The following IGF1R variants were observed in gnomAD, a reference collection of about 807,000 sequenced individuals.
The protein encoded by IGF1R is insulin like growth factor 1 receptor.
In IGF1R, 44 loss-of-function variants were observed where a neutral mutation model predicts 144.6. The observed-to-expected ratio is 0.30, with a 90% CI of 0.24 to 0.39. IGF1R has a LOEUF of 0.39. IGF1R is among the 10% of genes least tolerant of loss of function. The pLI is 1.00. For missense variants in IGF1R, 1,355 were observed against 1,833.7 expected, an observed-to-expected ratio of 0.74 and a Z score of 4.77; for synonymous variants, 795 against 722.8, an observed-to-expected ratio of 1.10 and a Z score of -1.60.
intron 2 of IGF1R, among the ~76,000 whole-genome samples, chr15:98,733,064 A>G (rs62024490): frequency 0.31 from 46,804 of 151,918 alleles, 7,344 homozygotes; most frequent in South Asian, 0.38. Context: ...CTACACAGAA[A>G]GATGTCTACG....
intron 13 of IGF1R, among the ~76,000 whole-genome samples, chr15:98,926,285 A>G (rs1232942183): frequency 2.0e-5 from 3 of 152,212 alleles, no homozygotes; most frequent in Non-Finnish European, 4.4e-5. Context: ...CATGGAGAGT[A>G]GAATGGAGGT....
intron 2 of IGF1R, among the ~76,000 whole-genome samples, chr15:98,760,507 A>G (rs1256864591): frequency 2.0e-5 from 3 of 152,258 alleles, no homozygotes; most frequent in Admixed American, 6.5e-5. Flanking sequence ...TAGCTGTAAT[A>G]CAAGTGCCTT....
chr15:98,649,507 CTTTT>C lies in IGF1R; in HGVS notation c.-71_-68del, dbSNP rs1167121523. On this transcript the variant is annotated 5_prime_UTR_variant, in exon 1 of 21. Coordinates refer to ENST00000650285, the MANE Select transcript of IGF1R (RefSeq NM_000875.5). ...TTTGAGACTTGTTTCCTTTCATTTC[CTTTT>C]TTTCTTTTCTTTTCTTTTTTTTTTT... The C allele has an allele frequency of 1.2e-5, 12 of 1,037,396 alleles. No homozygotes were observed. The African/African-American group carries it at 1.3e-4, about 11-fold the overall frequency. The allele number at this position is 1,037,396 out of a possible 1,614,324, so 64.3% of individuals were successfully genotyped here.
In IGF1R at chr15:98,957,484, C is replaced by G. The variant is rs375178223; in HGVS notation, c.*42C>G. 6.2e-7 allele frequency: 1 copy of G among 1,610,884 alleles called. No homozygotes were observed. The highest frequency in any genetic ancestry group is 8.5e-7 in the Non-Finnish European group (1 of 1,179,272). On this transcript the variant is annotated 3_prime_UTR_variant, in exon 21 of 21. Coordinates refer to ENST00000650285, the MANE Select transcript of IGF1R (RefSeq NM_000875.5). ...CTGTGCAAACAGTAACGTGTGCGCA[C>G]GCGCAGCGGGGTGGGGGGGGAGAGA...
intron 1 of IGF1R, chr15:98,651,047 G>T (rs1406295309): frequency 2.1e-5 from 21 of 985,240 alleles, no homozygotes; most frequent in African/African-American, 5.2e-5. Flanking sequence ...TTTAAATGTC[G>T]CAGAACTGGG....
chr15:98,723,722 CG>C, intron 2 of IGF1R, among the ~76,000 whole-genome samples: 1 of 152,256 alleles, frequency 6.6e-6, no homozygotes, highest in South Asian at 2.1e-4. Flanking sequence ...CTAACATCCC[CG>C]GGCCTGGAAG....
intron 2 of IGF1R, among the ~76,000 whole-genome samples, chr15:98,799,788 G>A (rs2056323181): frequency 6.6e-6 from 1 of 151,956 alleles, no homozygotes; most frequent in Non-Finnish European, 1.5e-5. Flanking sequence ...GAAATATATA[G>A]CAGGCTTTCC....
Position 98,935,444 on chromosome 15 carries a change from C to G in IGF1R, c.3297+18C>G. 1 of 1,379,278 alleles carries G rather than the reference C, an allele frequency of 7.3e-7. No homozygotes were observed. The highest frequency in any genetic ancestry group is 1.0e-6 in the Non-Finnish European group (1 of 989,286). 85.4% of individuals were successfully genotyped at this position (1,379,278 alleles called of 1,614,324 possible). A position where few individuals can be genotyped will look rare whatever the true frequency, so the allele number is the denominator to read the frequency against. ...AAATGGAGGTCAGTTTTCATTTCCA[C>G]CGGTATTGCATGTTGCCTGGCCTGC... is the stretch of plus-strand genomic sequence containing the variant. On this transcript the variant is annotated intron_variant, in intron 17 of 20. Transcript: ENST00000650285. This position sits in a 1 kb window ranked among gnomAD's most constrained non-coding sequence, Gnocchi z 4.2.
At chr15:98,949,973 G>T (rs144795585) in intron 20 of IGF1R, among the ~76,000 whole-genome samples, 5 of 152,338 alleles carry the variant, frequency 3.3e-5, no homozygotes, top group Admixed American at 2.0e-4. Flanking sequence ...GTTGGGAGCA[G>T]TGGCCTTGCT....
At chr15:98,807,187 T>C (rs2141449151) in intron 2 of IGF1R, among the ~76,000 whole-genome samples, 1 of 152,264 alleles carries the variant, frequency 6.6e-6, no homozygotes, top group South Asian at 2.1e-4. Flanking sequence ...CCAAATGACT[T>C]AGAGGTAGGT....
At chr15:98,800,973 G>T (rs1400849328) in intron 2 of IGF1R, among the ~76,000 whole-genome samples, 2 of 150,338 alleles carry the variant, frequency 1.3e-5, no homozygotes, top group Admixed American at 6.7e-5. Context: ...TTGTGCAACT[G>T]TTGGTAAGTT....
At chr15:98,764,530 T>A (rs2055387817) in intron 2 of IGF1R, among the ~76,000 whole-genome samples, 1 of 152,230 alleles carries the variant, frequency 6.6e-6, no homozygotes, top group South Asian at 2.1e-4. Flanking sequence ...TAGAGTTCAT[T>A]ACAAATAGAG....
chr15:98,660,522 TA>T (rs1346097572), intron 1 of IGF1R: 2 of 152,214 alleles, frequency 1.3e-5, no homozygotes, highest in African/African-American at 4.8e-5. Flanking sequence ...GAAGACTTCT[TA>T]AAGGGATACT....
intron 2 of IGF1R, among the ~76,000 whole-genome samples, chr15:98,713,689 C>T (rs556694834): frequency 6.2e-4 from 94 of 152,308 alleles, no homozygotes; most frequent in Non-Finnish European, 1.2e-3. Context: ...TTACTTCCTG[C>T]TGAATTTACC....
At chr15:98,750,387 G>C (rs1366245792) in intron 2 of IGF1R, among the ~76,000 whole-genome samples, 1 of 152,228 alleles carries the variant, frequency 6.6e-6, no homozygotes, top group Non-Finnish European at 1.5e-5. Context: ...ATCTAGTCCA[G>C]CTTCTCGTCG....
At chr15:98,901,485 C>T (rs2014479630) in intron 5 of IGF1R, among the ~76,000 whole-genome samples, 1 of 152,208 alleles carries the variant, frequency 6.6e-6, no homozygotes, top group South Asian at 2.1e-4. Context: ...GCTCTGTTTG[C>T]TTCAGGTGTT....
chr15:98,867,736 C>T (rs1180083799), intron 2 of IGF1R, among the ~76,000 whole-genome samples: 1 of 152,090 alleles, frequency 6.6e-6, no homozygotes, highest in East Asian at 1.9e-4. Context: ...AACTTAAAAG[C>T]TTTTTGACTT....
chr15:98,960,913 C>G lies in IGF1R; in HGVS notation c.*3471C>G, dbSNP rs115488157. On this transcript the variant is annotated 3_prime_UTR_variant, in exon 21 of 21. Coordinates refer to ENST00000650285, the MANE Select transcript of IGF1R (RefSeq NM_000875.5). ...GAGGCTCGTGGCGTCACGCCCCCCC[C>G]GCCAGGGCTGTACCTCCGTCTCCCT... is the stretch of plus-strand genomic sequence containing the variant. The G allele has an allele frequency of 4.7e-5, 11 of 233,986 alleles. No homozygotes were observed. The Admixed American group carries it at 5.1e-4, about 11-fold the overall frequency. 14.5% of individuals were successfully genotyped at this position (233,986 alleles called of 1,614,324 possible).
At chr15:98,825,824 AT>A (rs990982352) in intron 2 of IGF1R, among the ~76,000 whole-genome samples, 3 of 151,930 alleles carry the variant, frequency 2.0e-5, no homozygotes, top group East Asian at 1.9e-4. Context: ...CAAGCATCCT[AT>A]TTTTTTTCCT....
Sources: gnomAD v4.1 joint callset for allele counts (sites outside exome capture counted in the v4.1 genomes callset) on GRCh38, gnomAD v4.1.1 for gene constraint, Gnocchi (gnomAD v3.1) non-coding constraint, MANE v1.5 for transcripts, NCBI Gene and HGNC (gene_info 2026-07-23, HGNC 2026-07-21) for gene names.